The following MKLN1 variants were observed in gnomAD, a reference collection of about 807,000 sequenced individuals.
The protein encoded by MKLN1 is muskelin.
A neutral mutation model predicts 99.0 loss-of-function variants in MKLN1; 18 were observed. The observed-to-expected ratio is 0.18, with a 90% CI of 0.13 to 0.27. The LOEUF (loss-of-function observed/expected upper bound fraction) is 0.27, where lower values mean the gene tolerates loss of function less well. Among genes scored for constraint, MKLN1 ranks in the 10% least tolerant of loss-of-function variants. MKLN1 has a pLI of 1.00. For synonymous variants in MKLN1, 288 were observed against 293.2 expected, an observed-to-expected ratio of 0.98 and a Z score of 0.18; for missense variants, 621 against 875.9, an observed-to-expected ratio of 0.71 and a Z score of 3.67.
intron 13 of MKLN1, 137 bp from the exon 14 acceptor site, chr7:131,464,157 C>G: frequency 2.0e-6 from 1 of 493,360 alleles, no homozygotes; most frequent in South Asian, 3.7e-5. Context: ...TTATGAATAA[C>G]TAGAACTTTA....
intron 8 of MKLN1, among the ~76,000 whole-genome samples, chr7:131,419,360 C>T (rs1193927707): frequency 2.7e-5 from 4 of 150,128 alleles, no homozygotes; most frequent in African/African-American, 9.8e-5. Flanking sequence ...AAGTGACTCT[C>T]CTGCCTCAGC....
At chr7:131,248,266 G>A (rs1797525311) in intron 3 of MKLN1, among the ~76,000 whole-genome samples, 1 of 151,542 alleles carries the variant, frequency 6.6e-6, no homozygotes, top group African/African-American at 2.4e-5. Flanking sequence ...GTTGAAGACA[G>A]TGTCTTGCCT....
At chr7:131,397,105 G>A (rs190074934) in intron 4 of MKLN1, among the ~76,000 whole-genome samples, 162 bp from the exon 5 acceptor site, 225 of 152,256 alleles carry the variant, frequency 1.5e-3, no homozygotes, top group Non-Finnish European at 1.0e-3. Context: ...CATCTGTTTC[G>A]TTTTACTGTT....
intron 1 of MKLN1, among the ~76,000 whole-genome samples, chr7:131,369,000 T>TCACA (rs57537888): frequency 4.3e-4 from 64 of 149,772 alleles, no homozygotes; most frequent in African/African-American, 1.1e-3. Context: ...ATCTGTATAA[T>TCACA]CACACACACA....
chr7:131,169,852 G>A (rs1472805119), intron 2 of MKLN1, among the ~76,000 whole-genome samples: 1 of 152,162 alleles, frequency 6.6e-6, no homozygotes, highest in East Asian at 1.9e-4. Context: ...AATTTCCCAA[G>A]AAATATTGTT....
chr7:131,400,080 T>G (rs1034390967), intron 6 of MKLN1, among the ~76,000 whole-genome samples: 2 of 152,116 alleles, frequency 1.3e-5, no homozygotes, highest in Admixed American at 6.6e-5. Flanking sequence ...TCTTCCTCAG[T>G]AACTTTCATA....
intron 3 of MKLN1, among the ~76,000 whole-genome samples, chr7:131,232,502 T>C (rs1797257725): frequency 1.3e-5 from 2 of 152,218 alleles, no homozygotes; most frequent in South Asian, 4.1e-4. Flanking sequence ...GAGAAGTCTT[T>C]TGAATCTATT....
intron 1 of MKLN1, among the ~76,000 whole-genome samples, chr7:131,340,398 C>A (rs1034514094): frequency 7.9e-5 from 12 of 151,032 alleles, no homozygotes; most frequent in East Asian, 3.9e-4. Flanking sequence ...CTGCCTCAGC[C>A]CCCCCAAGTA....
At chr7:131,245,062 G>T (rs1302509362) in intron 3 of MKLN1, among the ~76,000 whole-genome samples, 1 of 152,082 alleles carries the variant, frequency 6.6e-6, no homozygotes, top group East Asian at 1.9e-4. Flanking sequence ...TGCCTCCTGG[G>T]CATATAAAAA....
intron 1 of MKLN1, among the ~76,000 whole-genome samples, chr7:131,125,759 C>T (rs547956340): frequency 3.9e-5 from 6 of 151,992 alleles, no homozygotes; most frequent in African/African-American, 1.4e-4. Flanking sequence ...AATCCCAGCC[C>T]TTTGGGAGGC....
intron 2 of MKLN1, among the ~76,000 whole-genome samples, chr7:131,198,598 G>A (rs1381691939): frequency 2.6e-5 from 4 of 152,144 alleles, no homozygotes; most frequent in Non-Finnish European, 5.9e-5. Context: ...ATATGGGAGA[G>A]TCTTTTAAAA....
intron 10 of MKLN1, among the ~76,000 whole-genome samples, chr7:131,441,586 G>A (rs1041725294): frequency 2.0e-5 from 3 of 151,756 alleles, no homozygotes; most frequent in African/African-American, 4.8e-5. Flanking sequence ...AAATTTTTTC[G>A]GAGAGTAAAA....
chr7:131,134,445 G>C (rs529190640), intron 1 of MKLN1, among the ~76,000 whole-genome samples: 1 of 152,178 alleles, frequency 6.6e-6, no homozygotes, highest in East Asian at 1.9e-4. Flanking sequence ...GATGGGCCCG[G>C]ACTCCTGAAC....
chr7:131,175,030 AGATGGATGGATGGATGGATGGATG>A (rs66786066), intron 2 of MKLN1, among the ~76,000 whole-genome samples: 3 of 148,244 alleles, frequency 2.0e-5, no homozygotes, highest in Non-Finnish European at 4.5e-5. Flanking sequence ...ATAGATAGGC[AGATGGATGGATGGATGGATGGATG>A]GATGGATGGA....
At chr7:131,130,789 C>A (rs999612147) in intron 1 of MKLN1, among the ~76,000 whole-genome samples, 3 of 151,998 alleles carry the variant, frequency 2.0e-5, no homozygotes, top group East Asian at 1.9e-4. Flanking sequence ...ATGGCTCATG[C>A]CTAAAATCCA....
chr7:131,192,937 A>G (rs1174865178), intron 2 of MKLN1, among the ~76,000 whole-genome samples: 2 of 152,236 alleles, frequency 1.3e-5, no homozygotes, highest in Non-Finnish European at 2.9e-5. Flanking sequence ...AAGTACACAC[A>G]GGAGCATATG....
rs1309095802 is a variant in MKLN1, at chr7:131,495,576, T to G, written c.*7848T>G. ...CCTGACTTATTTCCATTACCAAACA[T>G]AGTAAAGGCCAGAAAAGATTAAAAA... On this transcript the variant is annotated 3_prime_UTR_variant, in exon 18 of 18. Coordinates refer to ENST00000352689, the MANE Select transcript of MKLN1 (RefSeq NM_013255.5). 1.3e-5 allele frequency: 2 copies of G among 151,200 alleles called. No homozygotes were observed. The highest frequency in any genetic ancestry group is 6.6e-5 in the Admixed American group (1 of 15,224). The allele number at this position is 151,200 out of a possible 1,614,324, so 9.4% of individuals were successfully genotyped here. A position where few individuals can be genotyped will look rare whatever the true frequency, so the allele number is the denominator to read the frequency against.
In MKLN1 at chr7:131,401,336, A is replaced by G. The variant is rs114836901; in HGVS notation, c.703+1903A>G. On this transcript the variant is annotated intron_variant, in intron 6 of 17. Coordinates refer to ENST00000352689, the MANE Select transcript of MKLN1 (RefSeq NM_013255.5). Reference sequence around the variant, plus strand: ...GGTGATTTTGGAACCAATAATTGCTACTACCTCTTTGCCCATGCAGGATCC... The same window carrying G: ...GGTGATTTTGGAACCAATAATTGCTGCTACCTCTTTGCCCATGCAGGATCC... 4.1e-3 allele frequency among the ~76,000 whole-genome samples: 625 copies of G among 152,336 alleles called. 3 individuals are homozygous for G. Among genetic ancestry groups the G allele is most frequent in the African/African-American group, 0.014 (582 of 41,586 alleles).
intron 2 of MKLN1, among the ~76,000 whole-genome samples, chr7:131,381,062 T>G (rs1793832744): frequency 6.6e-6 from 1 of 152,220 alleles, no homozygotes; most frequent in Non-Finnish European, 1.5e-5. Context: ...AATATAAGTA[T>G]TTTTGATTCA....
Sources: allele counts gnomAD v4.1 joint callset (sites outside exome capture counted in the v4.1 genomes callset), GRCh38; gene constraint gnomAD v4.1.1; transcripts MANE v1.5; gene names NCBI Gene and HGNC (gene_info 2026-07-23, HGNC 2026-07-21).